CORIN: variants seen among roughly 807,000 people sequenced by gnomAD.
CORIN encodes atrial natriuretic peptide-converting enzyme.
In CORIN, 117 loss-of-function variants were observed where a neutral mutation model predicts 125.3. The observed-to-expected ratio is 0.93, with a 90% CI of 0.80 to 1.09. CORIN has a LOEUF of 1.09. Ranked by LOEUF, CORIN falls within the 50% of genes least tolerant of loss-of-function variation. The pLI is 0.00. For synonymous variants in CORIN, 450 were observed against 466.4 expected (o/e 0.96, Z 0.45); for missense variants, 1,253 against 1,306.7 (o/e 0.96, Z 0.63).
At chr4:47,627,564 A>G (rs1465767120) in intron 16 of CORIN, among the ~76,000 whole-genome samples, 1 of 152,214 alleles carries the variant, frequency 6.6e-6, no homozygotes, top group Non-Finnish European at 1.5e-5. Context: ...ATTACCGAAG[A>G]TATCAAAAAA....
intron 1 of CORIN, among the ~76,000 whole-genome samples, chr4:47,821,485 C>G (rs1732511881): frequency 6.6e-6 from 1 of 151,380 alleles, no homozygotes; most frequent in South Asian, 2.1e-4. Context: ...TTAATACATA[C>G]TTATAAAAAA....
At chr4:47,607,675 A>G (rs1484953307) in intron 19 of CORIN, among the ~76,000 whole-genome samples, 1 of 152,204 alleles carries the variant, frequency 6.6e-6, no homozygotes, top group African/African-American at 2.4e-5. Context: ...AGCAAGTGCT[A>G]AAAAGAAGGA....
chr4:47,729,400 T>C (rs564679407), intron 5 of CORIN, among the ~76,000 whole-genome samples: 4 of 152,320 alleles, frequency 2.6e-5, no homozygotes, highest in East Asian at 3.9e-4. Context: ...GCATGTTCTA[T>C]GTAACAGCCC....
chr4:47,601,742 G>A (rs1427401392), intron 20 of CORIN, among the ~76,000 whole-genome samples: 1 of 152,064 alleles, frequency 6.6e-6, no homozygotes, highest in Non-Finnish European at 1.5e-5. Flanking sequence ...TAGGAGTGGT[G>A]ACAGCATGTC....
intron 5 of CORIN, among the ~76,000 whole-genome samples, chr4:47,721,536 T>G (rs898679737): frequency 5.3e-5 from 8 of 152,212 alleles, no homozygotes; most frequent in African/African-American, 1.9e-4. Flanking sequence ...CCCAAAATGC[T>G]GGGATTACAG....
intron 19 of CORIN, among the ~76,000 whole-genome samples, chr4:47,615,033 G>A (rs1156723583): frequency 6.6e-6 from 1 of 152,212 alleles, no homozygotes; most frequent in Non-Finnish European, 1.5e-5. Flanking sequence ...CTCAAATTGA[G>A]ACTTGAACAA....
chr4:47,704,487 A>G (rs1726456872), intron 5 of CORIN, among the ~76,000 whole-genome samples: 1 of 152,102 alleles, frequency 6.6e-6, no homozygotes, highest in Non-Finnish European at 1.5e-5. Context: ...CCAGGGCAAT[A>G]AGGGGTAAGA....
At chr4:47,828,327 A>T (rs1732827936) in intron 1 of CORIN, among the ~76,000 whole-genome samples, 1 of 152,218 alleles carries the variant, frequency 6.6e-6, no homozygotes, top group South Asian at 2.1e-4. Flanking sequence ...GGTCTCCAGA[A>T]AAACCAAACT....
At chr4:47,822,563 A>G (rs57637597) in intron 1 of CORIN, among the ~76,000 whole-genome samples, 4,842 of 152,298 alleles carry the variant, frequency 0.032, 286 homozygotes, top group African/African-American at 0.11. Context: ...ACAGTTTTGT[A>G]AATTACAGGC....
At chr4:47,618,534 C>T (rs1177837751) in intron 19 of CORIN, among the ~76,000 whole-genome samples, 5 of 148,870 alleles carry the variant, frequency 3.4e-5, no homozygotes, top group African/African-American at 9.9e-5. Context: ...GGAAAGGAGG[C>T]GAGGGCTGGG....
chr4:47,731,609 G>A (rs549271378), intron 5 of CORIN, among the ~76,000 whole-genome samples: 4 of 152,184 alleles, frequency 2.6e-5, no homozygotes, highest in South Asian at 4.2e-4. Context: ...GGTGGCTCAC[G>A]CCTGTAAACC....
At chr4:47,724,292 G>A (rs1377739194) in intron 5 of CORIN, among the ~76,000 whole-genome samples, 1 of 152,060 alleles carries the variant, frequency 6.6e-6, no homozygotes. Flanking sequence ...ACAAGACAGA[G>A]TAAGTGAACT....
chr4:47,773,332 T>G (rs982175649), intron 3 of CORIN, among the ~76,000 whole-genome samples: 1 of 152,204 alleles, frequency 6.6e-6, no homozygotes, highest in Non-Finnish European at 1.5e-5. Flanking sequence ...ATTTCACCAC[T>G]CATGAAGGTG....
At chr4:47,689,759 T>G (rs1036245964) in intron 6 of CORIN, among the ~76,000 whole-genome samples, 2 of 152,164 alleles carry the variant, frequency 1.3e-5, no homozygotes, top group African/African-American at 2.4e-5. Flanking sequence ...TCTAGCCCGG[T>G]GCTTCCAAGT....
At position 47,658,087 on chromosome 4, in the gene CORIN, G is replaced by C. The variant is rs770442437; in HGVS notation, c.1735+3624C>G. Among the ~76,000 whole-genome samples the C allele has an allele frequency of 1.1e-4, 16 of 152,150 alleles. No individual in the cohort carries two copies. The East Asian group carries it at 2.1e-3, about 20-fold the overall frequency. On this transcript the variant is annotated intron_variant, in intron 12 of 21. Transcript: ENST00000273857. ...CCAAATAAGTTCCTTCTACCTATGA[G>C]CCTGTAAAATCAAAAGAAGGTATTT...
At chr4:47,798,177 T>C (rs143836893) in intron 2 of CORIN, among the ~76,000 whole-genome samples, 34 of 152,276 alleles carry the variant, frequency 2.2e-4, no homozygotes, top group African/African-American at 7.7e-4. Flanking sequence ...TACTGCTTTC[T>C]TCTATAGCCT....
At chr4:47,731,710 A>G (rs887458188) in intron 5 of CORIN, among the ~76,000 whole-genome samples, 1 of 152,042 alleles carries the variant, frequency 6.6e-6, no homozygotes, top group Non-Finnish European at 1.5e-5. Flanking sequence ...CTCTACCAAT[A>G]ATACAAAAAT....
chr4:47,800,878 T>C (rs909431614), intron 2 of CORIN, among the ~76,000 whole-genome samples: 1 of 152,160 alleles, frequency 6.6e-6, no homozygotes, highest in Admixed American at 6.5e-5. Context: ...TCCCTCCTGT[T>C]TGTCTTCCCC....
intron 16 of CORIN, among the ~76,000 whole-genome samples, chr4:47,626,809 G>A (rs1412258176): frequency 2.6e-5 from 4 of 152,104 alleles, no homozygotes; most frequent in Non-Finnish European, 5.9e-5. Context: ...AAAATAAAAT[G>A]TATCTAGCTA....
Sources: gnomAD v4.1 joint callset for allele counts (sites outside exome capture counted in the v4.1 genomes callset) on GRCh38, gnomAD v4.1.1 for gene constraint, MANE v1.5 for transcripts, NCBI Gene and HGNC (gene_info 2026-07-23, HGNC 2026-07-21) for gene names.